The following ZNF778 variants were observed in gnomAD, a reference collection of about 807,000 sequenced individuals.
ZNF778 encodes zinc finger protein 778.
Under a neutral mutation model 23.9 loss-of-function variants are expected in ZNF778, and 37 were observed. That is an observed-to-expected ratio of 1.54 (90% CI 1.19 to 2.03). ZNF778 has a LOEUF of 2.03. Among genes scored for constraint, ZNF778 ranks in the 30% most tolerant of loss-of-function variants. The pLI is 0.00. For missense variants in ZNF778, 1,297 were observed against 934.4 expected (o/e 1.39, Z -5.06); for synonymous variants, 483 against 343.9 (o/e 1.40, Z -4.48).
At chr16:89,219,750 G>A (rs2030734272) in intron 1 of ZNF778, among the ~76,000 whole-genome samples, 1 of 152,264 alleles carries the variant, frequency 6.6e-6, no homozygotes, top group African/African-American at 2.4e-5. Flanking sequence ...ATCCACACTT[G>A]GCACTGGCAG....
chr16:89,230,036 G>C lies in ZNF778; in HGVS notation c.*1474G>C, dbSNP rs1307476428. On this transcript the variant is annotated 3_prime_UTR_variant, in exon 7 of 7. Coordinates refer to ENST00000433976, the MANE Select transcript of ZNF778 (RefSeq NM_001201407.2). ...CTGGTTGGTTAGTCTTAAGTATCCAGATGGGATCCTGTATGAGCAGCGTAG... is the reference window on the plus strand; with the variant it reads ...CTGGTTGGTTAGTCTTAAGTATCCACATGGGATCCTGTATGAGCAGCGTAG... 2.0e-6 allele frequency: 2 copies of C among 979,294 alleles called. No individual in the cohort carries two copies. Among genetic ancestry groups the C allele is most frequent in the East Asian group, 1.1e-4 (1 of 8,778 alleles). 60.7% of individuals were successfully genotyped at this position (979,294 alleles called of 1,614,324 possible). A position where few individuals can be genotyped will look rare whatever the true frequency, so the allele number is the denominator to read the frequency against.
intron 1 of ZNF778, among the ~76,000 whole-genome samples, chr16:89,220,560 A>C (rs1472171882): frequency 6.6e-6 from 1 of 152,198 alleles, no homozygotes; most frequent in Admixed American, 6.5e-5. Context: ...TGGTAGGCTG[A>C]GGTGGAAGAA....
chr16:89,225,933 G>C (rs1446972503), intron 6 of ZNF778, among the ~76,000 whole-genome samples: 1 of 140,422 alleles, frequency 7.1e-6, no homozygotes, highest in Non-Finnish European at 1.6e-5. Context: ...TTTTTTTTGA[G>C]ATGAAGTCTC....
At chr16:89,221,223 C>A in intron 2 of ZNF778, 71 bp downstream of exon 2, 2 of 1,515,100 alleles carry the variant, frequency 1.3e-6, no homozygotes, top group South Asian at 2.4e-5. Flanking sequence ...GTATCAGGCC[C>A]ATGGACGGGG....
At position 89,227,331 on chromosome 16, in the gene ZNF778, G is replaced by A; in HGVS notation, c.1043G>A (p.Gly348Glu). Residue 348 changes from glycine to glutamate, a missense_variant, in exon 7 of 7, where the codon GGA becomes GAA. Physicochemically the swap from Gly to Glu is moderately conservative, Grantham distance 98. Transcript: ENST00000433976. Reference protein sequence around the residue: ...ECKECGKAFTGLSGLSKHVQT... With the variant: ...ECKECGKAFTELSGLSKHVQT... The stretch of plus-strand genomic sequence containing the variant: ...AAAGAATGCGGAAAAGCCTTCACTG[G>A]ACTCTCAGGTCTTTCTAAACACGTC... The A allele has an allele frequency of 6.2e-7, 1 of 1,613,956 alleles. No homozygotes were observed. The highest frequency in any genetic ancestry group is 8.5e-7 in the Non-Finnish European group (1 of 1,179,892).
Position 89,236,494 on chromosome 16 carries a change from A to T in ZNF778, c.*7932A>T, listed in dbSNP as rs1441151339. ...TGGTTTAAATAAATGGTTACAGAAA[A>T]CTCTTAAGGAAACCTGGAACAAAGG... On this transcript the variant is annotated 3_prime_UTR_variant, in exon 7 of 7. Coordinates refer to ENST00000433976, the MANE Select transcript of ZNF778 (RefSeq NM_001201407.2). 1 of 152,184 alleles carries T rather than the reference A, an allele frequency of 6.6e-6. No homozygotes were observed. Among genetic ancestry groups the T allele is most frequent in the Non-Finnish European group, 1.5e-5 (1 of 68,038 alleles). The allele number at this position is 152,184 out of a possible 1,614,324, so 9.4% of individuals were successfully genotyped here. A position where few individuals can be genotyped will look rare whatever the true frequency, so the allele number is the denominator to read the frequency against.
Position 89,221,096 on chromosome 16 carries a change from G to A in ZNF778, c.-32G>A, listed in dbSNP as rs1953292941. 1.3e-6 allele frequency: 2 copies of A among 1,562,474 alleles called. No individual in the cohort carries two copies. The highest frequency in any genetic ancestry group is 1.2e-5 in the South Asian group (1 of 84,774). On this transcript the variant is annotated 5_prime_UTR_variant, in exon 2 of 7. Coordinates refer to ENST00000433976, the MANE Select transcript of ZNF778 (RefSeq NM_001201407.2). ...TGCAGTGGCCTTGGCTTCAGGAAAG[G>A]AGCATTCAGACGCTTCCGTCAGCCT... is the stretch of plus-strand genomic sequence containing the variant.
intron 1 of ZNF778, among the ~76,000 whole-genome samples, chr16:89,218,759 C>T (rs1338537846): frequency 6.6e-6 from 1 of 151,788 alleles, no homozygotes; most frequent in Admixed American, 6.6e-5. Flanking sequence ...CCACTGCACT[C>T]CAGCCTGGGC....
At position 89,230,097 on chromosome 16, in the gene ZNF778, C is replaced by A. The variant is rs1049839804; in HGVS notation, c.*1535C>A. 1.1e-6 allele frequency: 1 copy of A among 906,142 alleles called. No homozygotes were observed. Among genetic ancestry groups the A allele is most frequent in the Non-Finnish European group, 1.3e-6 (1 of 758,324 alleles). 56.1% of individuals were successfully genotyped at this position (906,142 alleles called of 1,614,324 possible). On this transcript the variant is annotated 3_prime_UTR_variant, in exon 7 of 7. Transcript: ENST00000433976. The stretch of plus-strand genomic sequence containing the variant: ...GTTAGTCATGCTCTTAGGCATGACC[C>A]ACCTGTAGGGTCCCACACTGGCCAA...
At chr16:89,223,950 G>A (rs1210638963) in intron 4 of ZNF778, among the ~76,000 whole-genome samples, 1 of 152,178 alleles carries the variant, frequency 6.6e-6, no homozygotes, top group African/African-American at 2.4e-5. Flanking sequence ...GAGGCTGGGT[G>A]CAGTGGCTCA....
rs2031562769 is a variant in ZNF778 at position 89,227,259 on chromosome 16, T to G, written c.971T>G (p.Leu324Arg). 1.2e-6 allele frequency: 2 copies of G among 1,613,988 alleles called. No homozygotes were observed. Among genetic ancestry groups the G allele is most frequent in the African/African-American group, 2.7e-5 (2 of 75,054 alleles). Residue 324 changes from leucine to arginine, a missense_variant, in exon 7 of 7, where the codon CTA (leucine) becomes CGA (arginine). Physicochemically the swap from Leu to Arg is moderately radical, Grantham distance 102. Transcript: ENST00000433976. ...CGKASPVSSS[L>R]TQHVRIHAAE... ...AAAGCCTCCCCTGTTTCTTCCAGCC[T>G]AACTCAACATGTAAGAATTCATGCT...
At position 89,228,826 on chromosome 16, in the gene ZNF778, G is replaced by C. The variant is rs1438925846; in HGVS notation, c.*264G>C. 3.4e-6 allele frequency: 4 copies of C among 1,189,246 alleles called. No homozygotes were observed. In the African/African-American group the frequency reaches 4.7e-5, roughly 14 times the overall value. The allele number at this position is 1,189,246 out of a possible 1,614,324, so 73.7% of individuals were successfully genotyped here. A position where few individuals can be genotyped will look rare whatever the true frequency, so the allele number is the denominator to read the frequency against. On this transcript the variant is annotated 3_prime_UTR_variant, in exon 7 of 7. Transcript: ENST00000433976. Reference sequence around the variant, plus strand: ...TGTGATATGCAGCAGCATTGTTGCTGTTCTGCTCAGTACTTTGATGATCCC... The same window carrying C: ...TGTGATATGCAGCAGCATTGTTGCTCTTCTGCTCAGTACTTTGATGATCCC...
chr16:89,229,647 A>G lies in ZNF778; in HGVS notation c.*1085A>G, dbSNP rs2031802227. 1 of 974,920 alleles carries G rather than the reference A, an allele frequency of 1.0e-6. No individual in the cohort carries two copies. Among genetic ancestry groups the G allele is most frequent in the Non-Finnish European group, 1.2e-6 (1 of 828,768 alleles). The allele number at this position is 974,920 out of a possible 1,614,324, so 60.4% of individuals were successfully genotyped here. ...TGAGCAGCGTAGGCTCTGCTTGGTT[A>G]GTCTTGAGGATCCAGATGTGATCCT... On this transcript the variant is annotated 3_prime_UTR_variant, in exon 7 of 7. Transcript: ENST00000433976.
At chr16:89,219,061 C>G (rs1030568484) in intron 1 of ZNF778, among the ~76,000 whole-genome samples, 1 of 148,210 alleles carries the variant, frequency 6.7e-6, no homozygotes, top group African/African-American at 2.5e-5. Flanking sequence ...GAGCCAAGAT[C>G]GTGCCATTGC....
At position 89,221,572 on chromosome 16, in the gene ZNF778, G is replaced by A. The variant is rs537929509; in HGVS notation, c.25+420G>A. 5.9e-5 allele frequency among the ~76,000 whole-genome samples: 8 copies of A among 134,530 alleles called. 1 individual carries two copies. The highest frequency in any genetic ancestry group is 2.5e-4 in the Admixed American group (3 of 11,996). 88.3% of individuals were successfully genotyped at this position (134,530 alleles called of 152,430 possible). On this transcript the variant is annotated intron_variant, in intron 2 of 6. Transcript: ENST00000433976. ...GGCTCTGTGTGTGTGTTTTCCTGAG[G>A]CACTGTATGGCTGTGTGTGTGTGTG...
Position 89,217,732 on chromosome 16 carries a change from C to A in ZNF778, c.-310C>A, listed in dbSNP as rs983041442. Reference sequence around the variant, plus strand: ...CTTACAGCTGATCCGGTTCTTGCGGCGGTGCGTGCTGGCGCCGGAGAGTTC... The same window carrying A: ...CTTACAGCTGATCCGGTTCTTGCGGAGGTGCGTGCTGGCGCCGGAGAGTTC... On this transcript the variant is annotated 5_prime_UTR_variant, in exon 1 of 7. Coordinates refer to ENST00000433976, the MANE Select transcript of ZNF778 (RefSeq NM_001201407.2). 6.6e-6 allele frequency: 1 copy of A among 152,346 alleles called. No homozygotes were observed. The allele number at this position is 152,346 out of a possible 1,614,324, so 9.4% of individuals were successfully genotyped here.
chr16:89,220,510 T>C (rs1032019376), intron 1 of ZNF778, among the ~76,000 whole-genome samples: 3 of 152,120 alleles, frequency 2.0e-5, no homozygotes, highest in African/African-American at 7.2e-5. Flanking sequence ...ACAAAAAAAT[T>C]AGCTGGGTGT....
Position 89,225,633 on chromosome 16 carries a change from T to A in ZNF778, c.405+2T>A. On this transcript the variant is annotated splice_donor_variant, in intron 6 of 6. Coordinates refer to ENST00000433976, the MANE Select transcript of ZNF778 (RefSeq NM_001201407.2). LOFTEE classifies it high-confidence loss of function. ...AGAGCATCAAATGAGACACAGACGG[T>A]AAGATTAACAAGAGAGATTTTTTTA... The A allele has an allele frequency of 6.2e-7, 1 of 1,610,684 alleles. No homozygotes were observed. The highest frequency in any genetic ancestry group is 8.5e-7 in the Non-Finnish European group (1 of 1,177,734).
rs1253754053 is a variant in ZNF778, at chr16:89,236,632, T to A, written c.*8070T>A. The A allele has an allele frequency of 1.3e-5, 2 of 152,214 alleles. No homozygotes were observed. Among genetic ancestry groups the A allele is most frequent in the African/African-American group, 4.8e-5 (2 of 41,452 alleles). The allele number at this position is 152,214 out of a possible 1,614,324, so 9.4% of individuals were successfully genotyped here. A position where few individuals can be genotyped will look rare whatever the true frequency, so the allele number is the denominator to read the frequency against. ...AAAAATTATCACATGGGGTTTCAAC[T>A]GATGTATATTTAATACATAAGACAA... On this transcript the variant is annotated 3_prime_UTR_variant, in exon 7 of 7. Transcript: ENST00000433976.
Sources: gnomAD v4.1 joint callset for allele counts (sites outside exome capture counted in the v4.1 genomes callset) on GRCh38, gnomAD v4.1.1 for gene constraint, MANE v1.5 for transcripts, NCBI Gene and HGNC (gene_info 2026-07-23, HGNC 2026-07-21) for gene names.